The following KIF14 variants were observed in gnomAD, a reference collection of about 807,000 sequenced individuals.
KIF14 encodes kinesin-like protein KIF14.
KIF14 carries 98 observed loss-of-function variants against 176.2 expected under a neutral mutation model. The observed-to-expected ratio is 0.56, with a 90% confidence interval of 0.47 to 0.66. KIF14 has a LOEUF of 0.66. Ranked by LOEUF, KIF14 falls within the 30% of genes least tolerant of loss-of-function variation. The pLI is 0.00. For missense variants in KIF14, 1,751 were observed against 1,920.4 expected (o/e 0.91, Z 1.65); for synonymous variants, 566 against 632.2 (o/e 0.90, Z 1.57).
chr1:200,599,848 T>G (rs1659537686), intron 13 of KIF14, among the ~76,000 whole-genome samples: 1 of 152,220 alleles, frequency 6.6e-6, no homozygotes, highest in Admixed American at 6.5e-5. Flanking sequence ...ACTTTCCAAC[T>G]AGTTTATGGG....
chr1:200,570,060 A>C, intron 22 of KIF14, 55 bp from the exon 23 acceptor site: 2 of 794,476 alleles, frequency 2.5e-6, no homozygotes, highest in Non-Finnish European at 4.0e-6. Context: ...GAATAATATT[A>C]TTAAGAATAT....
rs191120262 is a variant in KIF14, at chr1:200,587,586, G to A, written c.3115-1359C>T. 4.5e-3 allele frequency among the ~76,000 whole-genome samples: 683 copies of A among 152,228 alleles called. 4 individuals carry two copies. Among genetic ancestry groups the A allele is most frequent in the Non-Finnish European group, 7.4e-3 (504 of 68,008 alleles). ...TCCCAGCACTTTGGGAGGCCAAGGC[G>A]GGAGAATCATGAGGTCAAGAGTTCA... On this transcript the variant is annotated intron_variant, in intron 18 of 29. Coordinates refer to ENST00000367350, the MANE Select transcript of KIF14 (RefSeq NM_014875.3).
chr1:200,565,480 G>A lies in KIF14; in HGVS notation c.3851C>T (p.Ala1284Val). Residue 1284 changes from alanine (A) to valine (V), a missense_variant, in exon 24 of 30, where the codon GCT (alanine) becomes GTT (valine). By Grantham distance (64) the Ala-to-Val change is moderately conservative (BLOSUM62 0). Transcript: ENST00000367350. Reference protein sequence around the residue: ...IYNGLFAISKAHEEQDEESQD... With the variant: ...IYNGLFAISKVHEEQDEESQD... Reference sequence around the variant, plus strand: ...ACTTTCTTCATCTTGTTCTTCATGAGCCTTGGAAATGGCAAATAGCCCATT... The same window carrying A: ...ACTTTCTTCATCTTGTTCTTCATGAACCTTGGAAATGGCAAATAGCCCATT... 6.2e-7 allele frequency: 1 copy of A among 1,606,112 alleles called. No individual in the cohort carries two copies. Among genetic ancestry groups the A allele is most frequent in the Non-Finnish European group, 8.5e-7 (1 of 1,177,920 alleles).
At chr1:200,576,841 T>C (rs1571493818) in intron 21 of KIF14, among the ~76,000 whole-genome samples, 1 of 152,080 alleles carries the variant, frequency 6.6e-6, no homozygotes, top group African/African-American at 2.4e-5. Flanking sequence ...GAGAGAAGGC[T>C]GGTATCGAAC....
At chr1:200,600,143 T>A in intron 12 of KIF14, 30 bp from the exon 13 acceptor site, 1 of 1,493,052 alleles carries the variant, frequency 6.7e-7, no homozygotes, top group Non-Finnish European at 9.3e-7. Flanking sequence ...ATAACAGAGT[T>A]AAAAACATCC....
At chr1:200,560,952 C>T (rs1657108383) in intron 25 of KIF14, 72 bp from the exon 26 acceptor site, 9 of 1,395,656 alleles carry the variant, frequency 6.4e-6, no homozygotes, top group Admixed American at 3.5e-5. Context: ...AGATAAGGGC[C>T]GGGCACAGCG....
intron 12 of KIF14, 27 bp from the exon 13 acceptor site, chr1:200,600,140 A>G: frequency 1.3e-6 from 2 of 1,502,844 alleles, no homozygotes; most frequent in Non-Finnish European, 1.8e-6. Context: ...AAAATAACAG[A>G]GTTAAAAACA....
At chr1:200,573,128 C>A (rs1421798136) in intron 22 of KIF14, among the ~76,000 whole-genome samples, 1 of 152,204 alleles carries the variant, frequency 6.6e-6, no homozygotes, top group East Asian at 1.9e-4. Context: ...TGCAACATAA[C>A]CATCATCAGC....
chr1:200,615,403 T>C lies in KIF14; in HGVS notation c.1319A>G (p.Asn440Ser). Residue 440 changes from asparagine (N) to serine (S), a missense_variant, in exon 3 of 30, where the codon AAT (asparagine) becomes AGT (serine). Coordinates refer to ENST00000367350, the MANE Select transcript of KIF14 (RefSeq NM_014875.3). ...PLLERAFEGFNTCLFAYGQTG... is the reference protein window; with the variant it reads ...PLLERAFEGFSTCLFAYGQTG... Reference sequence around the variant, plus strand: ...CTGACCATAAGCAAAAAGACAGGTATTGAAGCCTTCGAAGGCTCTTTCTAG... The same window carrying C: ...CTGACCATAAGCAAAAAGACAGGTACTGAAGCCTTCGAAGGCTCTTTCTAG... 1.2e-6 allele frequency: 2 copies of C among 1,614,130 alleles called. No homozygotes were observed. Among genetic ancestry groups the C allele is most frequent in the South Asian group, 1.1e-5 (1 of 91,080 alleles).
At chr1:200,574,937 ATTT>A (rs35584654) in intron 22 of KIF14, among the ~76,000 whole-genome samples, 6 of 110,678 alleles carry the variant, frequency 5.4e-5, no homozygotes, top group Non-Finnish European at 7.0e-5. Flanking sequence ...AGAAAGGGTA[ATTT>A]TTTTTTTTTT....
At chr1:200,567,401 C>T (rs902858647) in intron 23 of KIF14, among the ~76,000 whole-genome samples, 4 of 151,754 alleles carry the variant, frequency 2.6e-5, no homozygotes, top group African/African-American at 9.7e-5. Context: ...AAAAATTAGC[C>T]GGGCCTGGTG....
At chr1:200,598,086 C>T (rs1001825735) in intron 14 of KIF14, 151 bp downstream of exon 14, 36 of 638,828 alleles carry the variant, frequency 5.6e-5, no homozygotes, top group Admixed American at 1.3e-4. Flanking sequence ...CCTTATAACA[C>T]ACTCAGAATG....
At chr1:200,578,525 C>T (rs925985239) in intron 21 of KIF14, among the ~76,000 whole-genome samples, 1 of 151,354 alleles carries the variant, frequency 6.6e-6, no homozygotes, top group African/African-American at 2.4e-5. Context: ...AAATTCATAC[C>T]TCTCACAAAA....
intron 21 of KIF14, among the ~76,000 whole-genome samples, chr1:200,575,893 C>A (rs150184579): frequency 6.6e-6 from 1 of 151,996 alleles, no homozygotes; most frequent in African/African-American, 2.4e-5. Flanking sequence ...AAGACATCTA[C>A]TTTTAATAAA....
At chr1:200,595,709 G>A (rs2102706774) in intron 14 of KIF14, among the ~76,000 whole-genome samples, 1 of 152,268 alleles carries the variant, frequency 6.6e-6, no homozygotes, top group Admixed American at 6.5e-5. Context: ...AGTACTTTGG[G>A]AGGCCAAGGT....
intron 2 of KIF14, 57 bp downstream of exon 2, chr1:200,617,555 A>C: frequency 6.7e-7 from 1 of 1,498,250 alleles, no homozygotes; most frequent in Non-Finnish European, 9.0e-7. Flanking sequence ...GCAGAGAGGA[A>C]TTAAAGGTAC....
chr1:200,566,989 A>G (rs1179739461), intron 23 of KIF14, among the ~76,000 whole-genome samples: 2 of 151,754 alleles, frequency 1.3e-5, no homozygotes, highest in East Asian at 3.9e-4. Context: ...AGCCTGGCCA[A>G]CACGGTGAAA....
chr1:200,558,461 G>C (rs892597888), intron 27 of KIF14, among the ~76,000 whole-genome samples: 2 of 152,128 alleles, frequency 1.3e-5, no homozygotes, highest in African/African-American at 4.8e-5. Flanking sequence ...ATAAAATCCT[G>C]GCTCAGGGCT....
At chr1:200,607,384 C>T (rs1215743047) in intron 5 of KIF14, among the ~76,000 whole-genome samples, 1 of 152,116 alleles carries the variant, frequency 6.6e-6, no homozygotes, top group Non-Finnish European at 1.5e-5. Flanking sequence ...AGTGATCCGC[C>T]CACCTCAGCC....
Sources: gnomAD v4.1 joint callset for allele counts (sites outside exome capture counted in the v4.1 genomes callset) on GRCh38, gnomAD v4.1.1 for gene constraint, MANE v1.5 for transcripts, NCBI Gene and HGNC (gene_info 2026-07-23, HGNC 2026-07-21) for gene names.